CEL: variants seen among roughly 807,000 people sequenced by gnomAD.
CEL encodes bile salt-activated lipase.
A neutral mutation model predicts 57.1 loss-of-function variants in CEL; 39 were observed. That is an observed-to-expected ratio of 0.68 (90% CI 0.53 to 0.89). The LOEUF is 0.89. Ranked by LOEUF, CEL falls within the 40% of genes least tolerant of loss-of-function variation. CEL has a pLI of 0.00. For missense variants in CEL, 698 were observed against 915.0 expected (o/e 0.76, Z 3.06); for synonymous variants, 314 against 396.6 (o/e 0.79, Z 2.48).
chr9:133,067,735 G>A (rs1475898793), intron 7 of CEL, among the ~76,000 whole-genome samples: 1 of 152,078 alleles, frequency 6.6e-6, no homozygotes, highest in African/African-American at 2.4e-5. Flanking sequence ...TGAACATTTG[G>A]GGCCCCCTCC....
chr9:133,064,975 AG>A lies in CEL; in HGVS notation c.341-61del, dbSNP rs557145762. The A allele has an allele frequency of 1.3e-3, 2,147 of 1,597,420 alleles. 16 individuals carry two copies. The highest frequency in any genetic ancestry group is 0.01 in the South Asian group (908 of 90,288). On this transcript the variant is annotated intron_variant, in intron 3 of 10. Transcript: ENST00000372080. ...CCCCAGGCACCTGCTGCACAGGGAC[AG>A]GGGACCGGCTGGAGACAGGGCCAGG...
intron 1 of CEL, among the ~76,000 whole-genome samples, chr9:133,062,609 A>G (rs913165498): frequency 4.8e-5 from 7 of 144,722 alleles, no homozygotes; most frequent in African/African-American, 1.9e-4. Flanking sequence ...ATAGAAAAAG[A>G]AAAAAATGAA....
chr9:133,070,525 G>C lies in CEL; in HGVS notation c.1351G>C (p.Val451Leu), dbSNP rs369763536. 6.2e-6 allele frequency: 10 copies of C among 1,613,862 alleles called. No homozygotes were observed. The highest frequency in any genetic ancestry group is 8.5e-6 in the Non-Finnish European group (10 of 1,180,018). ...TCGGATGCCCGTCTACCCCAAATGG[G>C]TGGGGGCCGACCATGCAGATGACAT... The part of the protein sequence containing the change: ...PSRMPVYPKW[V>L]GADHADDIQY... Residue 451 changes from valine to leucine, a missense_variant, in exon 10 of 11, where the codon GTG becomes CTG. Coordinates refer to ENST00000372080, the MANE Select transcript of CEL (RefSeq NM_001807.6).
chr9:133,070,808 G>C (rs1830247848), intron 10 of CEL, 150 bp downstream of exon 10: 1 of 1,257,178 alleles, frequency 8.0e-7, no homozygotes, highest in South Asian at 1.3e-5. Context: ...TTGAGGATGA[G>C]AGTTACTGGC....
intron 9 of CEL, among the ~76,000 whole-genome samples, chr9:133,069,506 A>G (rs1208232160): frequency 1.3e-5 from 2 of 150,562 alleles, no homozygotes; most frequent in African/African-American, 4.9e-5. Flanking sequence ...CCTGCACCCC[A>G]TGGTCCTTCC....
In CEL at chr9:133,067,085, C is replaced by A. The variant is rs748928500; in HGVS notation, c.778-3C>A. 3 of 1,614,132 alleles carry A rather than the reference C, an allele frequency of 1.9e-6. No individual in the cohort carries two copies. The highest frequency in any genetic ancestry group is 2.2e-5 in the South Asian group (2 of 91,082). On this transcript the variant is annotated splice_region_variant and splice_polypyrimidine_tract_variant and intron_variant, in intron 6 of 10. Transcript: ENST00000372080. ...TACCTGCTGGCCTTGGTTCTGCCCC[C>A]AGGTGGCTGAGAAGGTGGGTTGCCC...
Position 133,071,570 on chromosome 9 carries a change from C to T in CEL, c.2068C>T (p.Pro690Ser). The change falls in exon 11 of 11, where the codon CCC (proline) becomes TCC (serine). Residue 690 changes from proline (P) to serine (S), a missense_variant. Around this residue, in one of 6 missense-constraint regions of CEL, gnomAD observed 238 missense variants for 213.7 expected, o/e 1.11. Coordinates refer to ENST00000372080, the MANE Select transcript of CEL (RefSeq NM_001807.6). ...PVPPTGDSGA[P>S]PVPPTGDSGA... Reference sequence around the variant, plus strand: ...GCCGCCCACGGGTGACTCCGGCGCCCCCCCCGTGCCGCCCACGGGTGACTC... The same window carrying T: ...GCCGCCCACGGGTGACTCCGGCGCCTCCCCCGTGCCGCCCACGGGTGACTC... 1 of 996,598 alleles carries T rather than the reference C, an allele frequency of 1.0e-6. No individual in the cohort carries two copies. The highest frequency in any genetic ancestry group is 2.9e-5 in the East Asian group (1 of 34,652). 61.7% of individuals were successfully genotyped at this position (996,598 alleles called of 1,614,324 possible). A position where few individuals can be genotyped will look rare whatever the true frequency, so the allele number is the denominator to read the frequency against.
chr9:133,066,204 C>G lies in CEL; in HGVS notation c.539-326C>G, dbSNP rs1210130081. ...GGCAGGAGAGGTGCATGGGCCTGAC[C>G]ATCCTGCCCCCGACAAACACCACCC... On this transcript the variant is annotated intron_variant, in intron 4 of 10. Transcript: ENST00000372080. This position sits in a 1 kb window ranked among gnomAD's most constrained non-coding sequence, Gnocchi z 4.3. Among the ~76,000 whole-genome samples the G allele has an allele frequency of 6.6e-6, 1 of 152,084 alleles. No homozygotes were observed. The highest frequency in any genetic ancestry group is 1.5e-5 in the Non-Finnish European group (1 of 67,996).
At position 133,070,501 on chromosome 9, in the gene CEL, C is replaced by T. The variant is rs1316968646; in HGVS notation, c.1327C>T (p.Arg443Trp). 16 of 1,613,812 alleles carry T rather than the reference C, an allele frequency of 9.9e-6. No homozygotes were observed. The highest frequency in any genetic ancestry group is 3.3e-5 in the South Asian group (3 of 91,082). Residue 443 changes from arginine to tryptophan, a missense_variant, in exon 10 of 11, where the codon CGG becomes TGG. Transcript: ENST00000372080. ...CGCCTACCTGTTTTCCCATCCCTCT[C>T]GGATGCCCGTCTACCCCAAATGGGT... ...TYAYLFSHPS[R>W]MPVYPKWVGA... is the part of the protein sequence containing the mutation.
At position 133,071,669 on chromosome 9, in the gene CEL, C is replaced by T; in HGVS notation, c.2167C>T (p.Pro723Ser). The change falls in exon 11 of 11, where the codon CCC becomes TCC. Residue 723 changes from proline (P) to serine (S), a missense_variant. Around this residue, in one of 6 missense-constraint regions of CEL, gnomAD observed 238 missense variants for 213.7 expected, o/e 1.11. Transcript: ENST00000372080. Reference sequence around the variant, plus strand: ...GCCGCCCACGGGTGACTCCGGGGCCCCCCCTGTGCCCCCCACGGGTGACTC... The same window carrying T: ...GCCGCCCACGGGTGACTCCGGGGCCTCCCCTGTGCCCCCCACGGGTGACTC... ...PVPPTGDSGA[P>S]PVPPTGDSEA... 2 of 1,571,826 alleles carry T rather than the reference C, an allele frequency of 1.3e-6. No homozygotes were observed. The highest frequency in any genetic ancestry group is 2.2e-5 in the South Asian group (2 of 89,888).
Position 133,070,586 on chromosome 9 carries a change from C to A in CEL, c.1412C>A (p.Thr471Lys). 6.2e-7 allele frequency: 1 copy of A among 1,614,142 alleles called. No homozygotes were observed. Residue 471 changes from threonine to lysine, a missense_variant, in exon 10 of 11, where the codon ACG becomes AAG. Physicochemically the swap from Thr to Lys is moderately conservative, Grantham distance 78. Coordinates refer to ENST00000372080, the MANE Select transcript of CEL (RefSeq NM_001807.6). ...YVFGKPFATP[T>K]GYRPQDRTVS... ...TTCGGGAAGCCCTTCGCCACCCCCA[C>A]GGGCTACCGGCCCCAAGACAGGACA...
chr9:133,066,859 G>C lies in CEL; in HGVS notation c.691G>C (p.Gly231Arg), dbSNP rs1830185035. ...GTAGACCCTCTCCCCCTACAACAAG[G>C]GCCTCATCCGGCGAGCCATCAGCCA... ...SLQTLSPYNK[G>R]LIRRAISQSG... The change falls in exon 6 of 11, where the codon GGC (glycine) becomes CGC (arginine). Residue 231 changes from glycine (G) to arginine (R), a missense_variant. Transcript: ENST00000372080. The surrounding 1 kb of genome is among the most constrained non-coding windows in gnomAD (Gnocchi z 4.3). 3.1e-6 allele frequency: 5 copies of C among 1,613,148 alleles called. No homozygotes were observed. Among genetic ancestry groups the C allele is most frequent in the Non-Finnish European group, 4.2e-6 (5 of 1,179,796 alleles).
At chr9:133,070,883 G>C in intron 10 of CEL, 104 bp from the exon 11 acceptor site, 1 of 1,411,540 alleles carries the variant, frequency 7.1e-7, no homozygotes, top group Non-Finnish European at 9.8e-7. Flanking sequence ...ATGGTGCCCA[G>C]GGCCAGCTCA....
chr9:133,062,858 G>A (rs1588487610), intron 1 of CEL, among the ~76,000 whole-genome samples: 2 of 151,674 alleles, frequency 1.3e-5, no homozygotes, highest in East Asian at 1.9e-4. Context: ...GCTGAAAGCC[G>A]AGCTACTCCA....
chr9:133,063,306 A>G (rs1210696993), intron 1 of CEL, among the ~76,000 whole-genome samples: 1 of 152,134 alleles, frequency 6.6e-6, no homozygotes, highest in Non-Finnish European at 1.5e-5. Flanking sequence ...TCTCAATTGC[A>G]CAGGGATCAC....
rs1564213815 is a variant in CEL at position 133,071,299 on chromosome 9, C to CAAGGAAGCTCA, written c.1797_1798insAAGGAAGCTCA (p.Gly600LysfsTer108). 6 of 555,934 alleles carry CAAGGAAGCTCA rather than the reference C, an allele frequency of 1.1e-5. No homozygotes were observed. The highest frequency in any genetic ancestry group is 1.5e-5 in the Non-Finnish European group (5 of 326,736). 34.4% of individuals were successfully genotyped at this position (555,934 alleles called of 1,614,324 possible). A position where few individuals can be genotyped will look rare whatever the true frequency, so the allele number is the denominator to read the frequency against. ...CCCCCGTGCCGCCCACGGGTGACTC[C>CAAGGAAGCTCA]GGGGCCCCCCCCGTGCCGCCCACGG... On this transcript the variant is annotated frameshift_variant, in exon 11 of 11. Coordinates refer to ENST00000372080, the MANE Select transcript of CEL (RefSeq NM_001807.6). LOFTEE classifies it high-confidence loss of function.
Position 133,066,976 on chromosome 9 carries a change from T to TGGGGGCTGGGGGGGGGGGGGGG in CEL, c.777+39_777+40insGGGGGGGGGGGGGGGGGGGCTG. 1 of 753,450 alleles carries TGGGGGCTGGGGGGGGGGGGGGG rather than the reference T, an allele frequency of 1.3e-6. No individual in the cohort carries two copies. Among genetic ancestry groups the TGGGGGCTGGGGGGGGGGGGGGG allele is most frequent in the Non-Finnish European group, 2.2e-6 (1 of 454,018 alleles). The allele number at this position is 753,450 out of a possible 1,614,324, so 46.7% of individuals were successfully genotyped here. A position where few individuals can be genotyped will look rare whatever the true frequency, so the allele number is the denominator to read the frequency against. ...CGGAGGAGGGCAGGGCTGGGCGGGG[T>TGGGGGCTGGGGGGGGGGGGGGG]GGGGGCTGTCCACATTTCCGTTCTT... On this transcript the variant is annotated intron_variant, in intron 6 of 10. Coordinates refer to ENST00000372080, the MANE Select transcript of CEL (RefSeq NM_001807.6). This position sits in a 1 kb window ranked among gnomAD's most constrained non-coding sequence, Gnocchi z 4.3.
At chr9:133,065,760 C>A (rs903577333) in intron 4 of CEL, among the ~76,000 whole-genome samples, 86 of 150,380 alleles carry the variant, frequency 5.7e-4, no homozygotes, top group African/African-American at 2.0e-3. Flanking sequence ...GCAGGAGAAT[C>A]GCTTGAACTC....
At chr9:133,068,439 T>C (rs1244153705) in intron 7 of CEL, among the ~76,000 whole-genome samples, 2 of 151,952 alleles carry the variant, frequency 1.3e-5, no homozygotes, top group Non-Finnish European at 1.5e-5. Context: ...ACATCTGTGA[T>C]TGTCACAGCT....
Sources: gnomAD v4.1 joint callset for allele counts (sites outside exome capture counted in the v4.1 genomes callset) on GRCh38, gnomAD v4.1.1 for gene constraint, gnomAD v4.1.1 regional missense constraint, Gnocchi (gnomAD v3.1) non-coding constraint, MANE v1.5 for transcripts, NCBI Gene and HGNC (gene_info 2026-07-23, HGNC 2026-07-21) for gene names.